ATXN7L2: variants seen among roughly 807,000 people sequenced by gnomAD.
ATXN7L2 encodes ataxin 7 like 2.
In ATXN7L2, 17 loss-of-function variants were observed where a neutral mutation model predicts 59.6. The ratio of observed to expected loss-of-function variants is 0.29; its 90% CI spans 0.20 to 0.43. The LOEUF (loss-of-function observed/expected upper bound fraction) is 0.43, where lower values mean the gene tolerates loss of function less well. Among genes scored for constraint, ATXN7L2 ranks in the 20% least tolerant of loss-of-function variants. The pLI, the probability that ATXN7L2 is intolerant of heterozygous loss-of-function variation, is 1.00. For synonymous variants in ATXN7L2, 378 were observed against 392.5 expected (o/e 0.96, Z 0.44); for missense variants, 858 against 1,008.9 (o/e 0.85, Z 2.03).
intron 4 of ATXN7L2, 44 bp from the exon 5 acceptor site, chr1:109,487,474 C>A: frequency 1.4e-6 from 2 of 1,451,240 alleles, no homozygotes; most frequent in South Asian, 3.0e-5. Context: ...CCAGGCCTCG[C>A]CTCCCCTCCC....
In ATXN7L2 at chr1:109,491,680, C is replaced by G; in HGVS notation, c.2213C>G (p.Pro738Arg). Residue 738 changes from proline to arginine, a missense_variant, in exon 10 of 11, where the codon CCG (proline) becomes CGG (arginine). Transcript: ENST00000683729. This position sits in a 1 kb window ranked among gnomAD's most constrained non-coding sequence, Gnocchi z 4.1. ...ACSVRRKKPG[P>R]ALAFEEKCST... ...TCTGTGCGCCGCAAGAAGCCAGGCCCGGCCCTGGCCTTTGAGGAGAAGTGC... is the reference window on the plus strand; with the variant it reads ...TCTGTGCGCCGCAAGAAGCCAGGCCGGGCCCTGGCCTTTGAGGAGAAGTGC... 1 of 1,608,098 alleles carries G rather than the reference C, an allele frequency of 6.2e-7. No individual in the cohort carries two copies. Among genetic ancestry groups the G allele is most frequent in the Middle Eastern group, 1.9e-4 (1 of 5,298 alleles).
Position 109,490,258 on chromosome 1 carries a change from C to T in ATXN7L2, c.1333-13C>T. The T allele has an allele frequency of 3.1e-6, 5 of 1,613,310 alleles. No individual in the cohort carries two copies. The highest frequency in any genetic ancestry group is 4.2e-6 in the Non-Finnish European group (5 of 1,179,810). On this transcript the variant is annotated splice_polypyrimidine_tract_variant and intron_variant, in intron 8 of 10. Coordinates refer to ENST00000683729, the MANE Select transcript of ATXN7L2 (RefSeq NM_001350175.2). ...CAGACCCTGCCAACCATGCACCTTCCTTCTGCCTTTAGTTCTGCACCTTTG... is the reference window on the plus strand; with the variant it reads ...CAGACCCTGCCAACCATGCACCTTCTTTCTGCCTTTAGTTCTGCACCTTTG...
intron 1 of ATXN7L2, 109 bp downstream of exon 1, chr1:109,484,189 C>T: frequency 8.7e-7 from 1 of 1,145,418 alleles, no homozygotes; most frequent in East Asian, 3.5e-5. Flanking sequence ...CGTCCGGCTC[C>T]CCGGCCCCCC....
At position 109,492,642 on chromosome 1, in the gene ATXN7L2, C is replaced by T; in HGVS notation, c.*42C>T. ...CACTGCAACGGAGCCGCCAGCACCT[C>T]CTCCCCTCCAGATCCGGGCCCCAGG... On this transcript the variant is annotated 3_prime_UTR_variant, in exon 11 of 11. Transcript: ENST00000683729. 1.2e-6 allele frequency: 2 copies of T among 1,611,338 alleles called. No individual in the cohort carries two copies. Among genetic ancestry groups the T allele is most frequent in the Non-Finnish European group, 1.7e-6 (2 of 1,178,954 alleles).
At chr1:109,490,835 T>G (rs1172386450) in intron 9 of ATXN7L2, 87 bp from the exon 10 acceptor site, 17 of 1,409,000 alleles carry the variant, frequency 1.2e-5, no homozygotes, top group Non-Finnish European at 1.5e-5. Context: ...CATTTCTAGG[T>G]GGGGCAGAGA....
chr1:109,492,803 A>T (rs1487491859), downstream of ATXN7L2: 11 of 670,016 alleles, frequency 1.6e-5, no homozygotes, highest in Admixed American at 2.7e-4. Context: ...AAGGAAAAAA[A>T]ATAACAAAAT....
chr1:109,489,715 G>A (rs1287772227), intron 7 of ATXN7L2: 3 of 594,500 alleles, frequency 5.0e-6, no homozygotes, highest in South Asian at 2.0e-5. Context: ...AGGTGAAGGG[G>A]CTGGGGAGAG....
intron 9 of ATXN7L2, among the ~76,000 whole-genome samples, chr1:109,490,598 G>C (rs145995343): frequency 6.6e-6 from 1 of 152,178 alleles, no homozygotes; most frequent in African/African-American, 2.4e-5. Flanking sequence ...GGCATGGAAG[G>C]GTGGTCTGGG....
rs368032408 is a variant in ATXN7L2 at position 109,491,257 on chromosome 1, T to C, written c.1790T>C (p.Val597Ala). 8 of 1,614,018 alleles carry C rather than the reference T, an allele frequency of 5.0e-6. No homozygotes were observed. The African/African-American group carries it at 8.0e-5, about 16-fold the overall frequency. Residue 597 changes from valine (V) to alanine (A), a missense_variant, in exon 10 of 11, where the codon GTG becomes GCG. Coordinates refer to ENST00000683729, the MANE Select transcript of ATXN7L2 (RefSeq NM_001350175.2). This position sits in a 1 kb window ranked among gnomAD's most constrained non-coding sequence, Gnocchi z 4.1. Reference protein sequence around the residue: ...KSSKGKDGVEVEAPSRKRKLS... With the variant: ...KSSKGKDGVEAEAPSRKRKLS... ...TCCAAAGGCAAGGACGGGGTGGAGG[T>C]GGAGGCCCCTTCTCGAAAGCGGAAG...
At chr1:109,490,544 A>G (rs1405604989) in intron 9 of ATXN7L2, 152 bp downstream of exon 9, 1 of 1,231,642 alleles carries the variant, frequency 8.1e-7, no homozygotes. Flanking sequence ...GTAGCATGAA[A>G]AGGAGGTGGG....
At chr1:109,490,541 GA>G in intron 9 of ATXN7L2, 149 bp downstream of exon 9, 1 of 1,241,312 alleles carries the variant, frequency 8.1e-7, no homozygotes, top group Non-Finnish European at 1.1e-6. Context: ...GGAGTAGCAT[GA>G]AAAGGAGGTG....
At position 109,488,938 on chromosome 1, in the gene ATXN7L2, G is replaced by A; in HGVS notation, c.971G>A (p.Gly324Glu). The A allele has an allele frequency of 6.2e-7, 1 of 1,614,122 alleles. No homozygotes were observed. Among genetic ancestry groups the A allele is most frequent in the South Asian group, 1.1e-5 (1 of 91,088 alleles). ...GAGCTGAAGGCCAACTCCCGCAAAG[G>A]GGAGTCTCCCAAGGAGAAGAGCCCA... is the stretch of plus-strand genomic sequence containing the variant. ...VAELKANSRK[G>E]ESPKEKSPGR... The change falls in exon 7 of 11, where the codon GGG (glycine) becomes GAG (glutamate). Residue 324 changes from glycine (G) to glutamate (E), a missense_variant. By Grantham distance (98) the Gly-to-Glu change is moderately conservative. This residue lies in a region of ATXN7L2 where 734 missense variants were observed against 862.3 expected (regional missense o/e 0.85). Transcript: ENST00000683729. This position sits in a 1 kb window ranked among gnomAD's most constrained non-coding sequence, Gnocchi z 5.0.
intron 7 of ATXN7L2, chr1:109,489,722 A>T: frequency 1.7e-6 from 1 of 599,012 alleles, no homozygotes; most frequent in Non-Finnish European, 2.9e-6. Context: ...GGGGCTGGGG[A>T]GAGAATCCCT....
At chr1:109,485,256 GAGGGGGGAGGAGAGAGGT>G in intron 1 of ATXN7L2, 20 of 967,914 alleles carry the variant, frequency 2.1e-5, no homozygotes, top group Non-Finnish European at 2.4e-5. Flanking sequence ...GTAGAGGAGG[GAGGGGGGAGGAGAGAGGT>G]AGGGGGATGG....
chr1:109,490,468 C>T (rs1656962390), intron 9 of ATXN7L2, 76 bp downstream of exon 9: 3 of 1,561,182 alleles, frequency 1.9e-6, no homozygotes, highest in South Asian at 1.2e-5. Context: ...GCTTCAGAAG[C>T]CCTGATCTTT....
chr1:109,484,889 C>T (rs1656464127), intron 1 of ATXN7L2, among the ~76,000 whole-genome samples: 2 of 152,228 alleles, frequency 1.3e-5, no homozygotes, highest in East Asian at 3.8e-4. Context: ...ACTTGTTCTC[C>T]TCTGAGACAT....
At position 109,486,279 on chromosome 1, in the gene ATXN7L2, C is replaced by G; in HGVS notation, c.193+157C>G. On this transcript the variant is annotated intron_variant, in intron 2 of 10. Transcript: ENST00000683729. This position sits in a 1 kb window ranked among gnomAD's most constrained non-coding sequence, Gnocchi z 4.3. ...CGGCCGGTTGTTCTGGCTCCTGTGA[C>G]CTGTCGTTGGAGATCATAATCATAG... 1 of 1,220,864 alleles carries G rather than the reference C, an allele frequency of 8.2e-7. No homozygotes were observed. Among genetic ancestry groups the G allele is most frequent in the Non-Finnish European group, 1.1e-6 (1 of 902,124 alleles). 75.6% of individuals were successfully genotyped at this position (1,220,864 alleles called of 1,614,324 possible).
Position 109,491,568 on chromosome 1 carries a change from G to A in ATXN7L2, c.2101G>A (p.Ala701Thr). 1 of 1,613,946 alleles carries A rather than the reference G, an allele frequency of 6.2e-7. No individual in the cohort carries two copies. The highest frequency in any genetic ancestry group is 8.5e-7 in the Non-Finnish European group (1 of 1,180,032). Residue 701 changes from alanine to threonine, a missense_variant, in exon 10 of 11, where the codon GCC becomes ACC. Physicochemically the swap from Ala to Thr is moderately conservative, Grantham distance 58 (BLOSUM62 0). Transcript: ENST00000683729. The surrounding 1 kb of genome is among the most constrained non-coding windows in gnomAD (Gnocchi z 4.1). ...PTNCLSEEEV[A>T]KKRKNLATYC... is the part of the protein sequence containing the mutation. ...CAACTGCCTCTCTGAGGAGGAGGTG[G>A]CCAAGAAGCGGAAAAACCTGGCCAC...
chr1:109,485,535 T>C, intron 1 of ATXN7L2: 1 of 984,970 alleles, frequency 1.0e-6, no homozygotes, highest in Non-Finnish European at 1.2e-6. Context: ...CAAAATTGAG[T>C]TCATGGGGGT....
Sources: allele counts gnomAD v4.1 joint callset (sites outside exome capture counted in the v4.1 genomes callset), GRCh38; gene constraint gnomAD v4.1.1; regional missense constraint gnomAD v4.1.1; non-coding constraint Gnocchi (gnomAD v3.1); transcripts MANE v1.5; gene names NCBI Gene and HGNC (gene_info 2026-07-23, HGNC 2026-07-21).